ROBO2: variants seen among roughly 807,000 people sequenced by gnomAD.
The protein encoded by ROBO2 is roundabout homolog 2.
ROBO2 carries 53 observed loss-of-function variants against 160.8 expected under a neutral mutation model. That is an observed-to-expected ratio of 0.33 (90% CI 0.26 to 0.41). ROBO2 has a LOEUF of 0.41. Ranked by LOEUF, ROBO2 falls within the 10% of genes least tolerant of loss-of-function variation. The pLI, the probability that ROBO2 is intolerant of heterozygous loss-of-function variation, is 1.00. For missense variants in ROBO2, 1,577 were observed against 1,722.4 expected, an observed-to-expected ratio of 0.92 and a Z score of 1.49; for synonymous variants, 664 against 611.7, an observed-to-expected ratio of 1.09 and a Z score of -1.26.
intron 2 of ROBO2, among the ~76,000 whole-genome samples, chr3:76,147,013 A>C (rs1165762778): frequency 6.6e-6 from 1 of 151,272 alleles, no homozygotes; most frequent in Admixed American, 6.6e-5. Flanking sequence ...GAAAAATAAG[A>C]GTACTAGGTT....
chr3:76,213,989 C>T (rs575845168), intron 2 of ROBO2, among the ~76,000 whole-genome samples: 11 of 152,160 alleles, frequency 7.2e-5, no homozygotes, highest in African/African-American at 2.2e-4. Flanking sequence ...GTCTGCTAAT[C>T]GAAATGTTAA....
chr3:76,677,689 T>C (rs113888284), intron 2 of ROBO2, among the ~76,000 whole-genome samples: 14 of 152,264 alleles, frequency 9.2e-5, no homozygotes, highest in Admixed American at 3.9e-4. Context: ...GCTCTGATTC[T>C]ATACAGTACT....
intron 2 of ROBO2, among the ~76,000 whole-genome samples, chr3:76,686,346 G>A (rs1354157911): frequency 6.6e-6 from 1 of 152,040 alleles, no homozygotes; most frequent in Non-Finnish European, 1.5e-5. Context: ...ATAAAGAAAA[G>A]TAATCTTCCT....
At chr3:77,256,707 G>T (rs1331958592) in intron 2 of ROBO2, among the ~76,000 whole-genome samples, 2 of 152,148 alleles carry the variant, frequency 1.3e-5, no homozygotes, top group African/African-American at 4.8e-5. Context: ...ATTCCCAAGA[G>T]AGGCTTCTGC....
At chr3:76,404,556 G>C (rs2078020622) in intron 2 of ROBO2, among the ~76,000 whole-genome samples, 1 of 151,458 alleles carries the variant, frequency 6.6e-6, no homozygotes, top group Non-Finnish European at 1.5e-5. Context: ...TAGTCGATCA[G>C]GTAGTTTAAT....
chr3:76,064,965 A>G (rs2068202462), intron 2 of ROBO2, among the ~76,000 whole-genome samples: 1 of 152,146 alleles, frequency 6.6e-6, no homozygotes, highest in Admixed American at 6.6e-5. Context: ...TCACAGGAGT[A>G]TAACAAAGAT....
At chr3:76,680,133 A>C (rs1352763027) in intron 2 of ROBO2, among the ~76,000 whole-genome samples, 1 of 152,142 alleles carries the variant, frequency 6.6e-6, no homozygotes, top group Non-Finnish European at 1.5e-5. Flanking sequence ...CTAAAACCTC[A>C]AATTCTTTAC....
intron 2 of ROBO2, among the ~76,000 whole-genome samples, chr3:76,897,514 G>A (rs931969915): frequency 5.3e-5 from 8 of 152,090 alleles, no homozygotes; most frequent in African/African-American, 1.7e-4. Flanking sequence ...AGATGTTGAT[G>A]TAAAGTGCAG....
intron 2 of ROBO2, among the ~76,000 whole-genome samples, chr3:77,289,589 CAA>C (rs2060917984): frequency 1.3e-5 from 2 of 149,550 alleles, no homozygotes; most frequent in African/African-American, 2.5e-5. Flanking sequence ...GCTAGATCAC[CAA>C]AGACATAAAG....
chr3:76,255,538 A>T (rs776607597), intron 2 of ROBO2, among the ~76,000 whole-genome samples: 29 of 152,066 alleles, frequency 1.9e-4, no homozygotes, highest in Non-Finnish European at 4.1e-4. Flanking sequence ...TACATTGTAA[A>T]CATTGATGCA....
At chr3:77,594,326 A>G (rs1048099098) in intron 17 of ROBO2, among the ~76,000 whole-genome samples, 7 of 152,192 alleles carry the variant, frequency 4.6e-5, no homozygotes, top group Non-Finnish European at 1.0e-4. Flanking sequence ...AGGTTTGGGT[A>G]ATGGATGATG....
At chr3:76,111,597 G>C (rs2070233847) in intron 2 of ROBO2, among the ~76,000 whole-genome samples, 1 of 151,964 alleles carries the variant, frequency 6.6e-6, no homozygotes, top group African/African-American at 2.4e-5. Flanking sequence ...CACAGGAAAA[G>C]CCCCCTTTGA....
intron 18 of ROBO2, among the ~76,000 whole-genome samples, chr3:77,596,421 G>A (rs561424077): frequency 2.0e-5 from 3 of 152,054 alleles, no homozygotes; most frequent in Non-Finnish European, 2.9e-5. Flanking sequence ...ACAAAATCCC[G>A]GGCAAGGACT....
At chr3:76,086,309 A>G (rs1205128656) in intron 2 of ROBO2, among the ~76,000 whole-genome samples, 1 of 152,132 alleles carries the variant, frequency 6.6e-6, no homozygotes, top group Non-Finnish European at 1.5e-5. Context: ...CCATGAGAAC[A>G]GCATGGAGGT....
At chr3:76,920,873 A>G (rs1299718898) in intron 2 of ROBO2, among the ~76,000 whole-genome samples, 4 of 152,190 alleles carry the variant, frequency 2.6e-5, no homozygotes, top group African/African-American at 7.2e-5. Context: ...TTTTTTAAAA[A>G]CTCACAGCTT....
intron 2 of ROBO2, among the ~76,000 whole-genome samples, chr3:76,926,356 G>T (rs143432053): frequency 1.2e-4 from 19 of 152,284 alleles, no homozygotes; most frequent in African/African-American, 4.3e-4. Context: ...ACTAATTATA[G>T]AAATGTCTCT....
At chr3:76,594,719 A>C in intron 2 of ROBO2, among the ~76,000 whole-genome samples, 1 of 152,156 alleles carries the variant, frequency 6.6e-6, no homozygotes, top group East Asian at 1.9e-4. Context: ...GGATAAATGT[A>C]TTTTATTTAA....
intron 2 of ROBO2, among the ~76,000 whole-genome samples, chr3:76,970,255 A>G (rs1055223539): frequency 2.0e-5 from 3 of 152,146 alleles, no homozygotes; most frequent in Non-Finnish European, 4.4e-5. Flanking sequence ...TCAAGGGCCT[A>G]CCTCTACCAT....
At chr3:75,935,638 ATT>A (rs1198591035) in intron 1 of ROBO2, among the ~76,000 whole-genome samples, 2 of 152,194 alleles carry the variant, frequency 1.3e-5, no homozygotes, top group East Asian at 3.9e-4. Flanking sequence ...AAGGCTGTTG[ATT>A]TTAGAAACTA....
Sources: gnomAD v4.1 joint callset for allele counts (sites outside exome capture counted in the v4.1 genomes callset) on GRCh38, gnomAD v4.1.1 for gene constraint, MANE v1.5 for transcripts, NCBI Gene and HGNC (gene_info 2026-07-23, HGNC 2026-07-21) for gene names.